Variants in HK1 observed in about 807,000 individuals in gnomAD.
HK1 encodes the protein hexokinase 1, also known as hexokinase-1.
Under a neutral mutation model 91.6 loss-of-function variants are expected in HK1, and 28 were observed. The observed-to-expected ratio is 0.31, with a 90% CI of 0.23 to 0.42. The LOEUF is 0.42. Among genes scored for constraint, HK1 ranks in the 10% least tolerant of loss-of-function variants. The pLI is 1.00. For synonymous variants in HK1, 430 were observed against 468.1 expected (o/e 0.92, Z 1.05); for missense variants, 770 against 1,219.8 (o/e 0.63, Z 5.49).
intron 1 of HK1, among the ~76,000 whole-genome samples, chr10:69,322,720 G>T (rs61058481): frequency 0.17 from 25,976 of 151,620 alleles, 3,012 homozygotes; most frequent in East Asian, 0.56. Flanking sequence ...GAGAAACCCC[G>T]TCTCTACTAA....
rs534576680 is a variant in HK1, at chr10:69,348,296, C to T, written c.226+4307C>T. Among the ~76,000 whole-genome samples, 3 of 151,766 alleles carry T rather than the reference C, an allele frequency of 2.0e-5. No homozygotes were observed. The South Asian group carries it at 6.3e-4, about 32-fold the overall frequency. On this transcript the variant is annotated intron_variant, in intron 2 of 17. Coordinates refer to ENST00000359426, the MANE Select transcript of HK1 (RefSeq NM_000188.3). Reference sequence around the variant, plus strand: ...AGTGTAGTCACGGTTGTTTTGGGGCCCTAAATATTCATACTACTGTTTTCC... The same window carrying T: ...AGTGTAGTCACGGTTGTTTTGGGGCTCTAAATATTCATACTACTGTTTTCC...
chr10:69,325,984 G>A (rs1847346937), intron 1 of HK1, among the ~76,000 whole-genome samples: 2 of 151,414 alleles, frequency 1.3e-5, no homozygotes. Context: ...ACAGGTGCCT[G>A]CCACTACACC....
At chr10:69,280,108 C>T (rs1844662010) in intron 1 of HK1, among the ~76,000 whole-genome samples, 1 of 151,338 alleles carries the variant, frequency 6.6e-6, no homozygotes, top group East Asian at 1.9e-4. Context: ...TTTAACTGGC[C>T]AATGATGAAA....
In HK1 at chr10:69,401,762, G is replaced by A. The variant is rs1302352309; in HGVS notation, c.*627G>A. 8 of 177,466 alleles carry A rather than the reference G, an allele frequency of 4.5e-5. No homozygotes were observed. The South Asian group carries it at 6.1e-4, about 14-fold the overall frequency. The allele number at this position is 177,466 out of a possible 1,614,324, so 11.0% of individuals were successfully genotyped here. A position where few individuals can be genotyped will look rare whatever the true frequency, so the allele number is the denominator to read the frequency against. On this transcript the variant is annotated 3_prime_UTR_variant, in exon 18 of 18. Coordinates refer to ENST00000359426, the MANE Select transcript of HK1 (RefSeq NM_000188.3). Reference sequence around the variant, plus strand: ...GTGGGGGGAGGTGGACAGTCCTGCGGAAATGTGTCTTGTCTCCATTTGGAT... The same window carrying A: ...GTGGGGGGAGGTGGACAGTCCTGCGAAAATGTGTCTTGTCTCCATTTGGAT...
At chr10:69,307,379 G>A (rs1164022607) in intron 5 of HK1, among the ~76,000 whole-genome samples, 1 of 152,124 alleles carries the variant, frequency 6.6e-6, no homozygotes, top group Non-Finnish European at 1.5e-5. Flanking sequence ...CCCTTATAAA[G>A]GAACTCTGCA....
At chr10:69,397,294 C>T (rs948618034) in intron 16 of HK1, among the ~76,000 whole-genome samples, 4 of 152,116 alleles carry the variant, frequency 2.6e-5, no homozygotes, top group Admixed American at 1.3e-4. Flanking sequence ...TCTAGTTTCT[C>T]CACATCCTCG....
chr10:69,316,792 C>A (rs1042189274), upstream of HK1, among the ~76,000 whole-genome samples: 2 of 152,210 alleles, frequency 1.3e-5, no homozygotes, highest in African/African-American at 4.8e-5. Flanking sequence ...AAGTGCCAGG[C>A]CCTGCGCTTG....
At position 69,338,709 on chromosome 10, in the gene HK1, GTA is replaced by G. The variant is rs1364600456; in HGVS notation, c.64-5117_64-5116del. 7 of 821,090 alleles carry G rather than the reference GTA, an allele frequency of 8.5e-6. No individual in the cohort carries two copies. In the Admixed American group the frequency reaches 1.3e-4, roughly 15 times the overall value. The allele number at this position is 821,090 out of a possible 1,614,324, so 50.9% of individuals were successfully genotyped here. A position where few individuals can be genotyped will look rare whatever the true frequency, so the allele number is the denominator to read the frequency against. On this transcript the variant is annotated intron_variant, in intron 1 of 17. Coordinates refer to ENST00000359426, the MANE Select transcript of HK1 (RefSeq NM_000188.3). ...TGTGTGTGTGTGTGTGTGTGTGTGT[GTA>G]AGTACTTGTGTGTGTATGTGTGAGT...
At chr10:69,331,919 G>C (rs1470153226) in intron 1 of HK1, among the ~76,000 whole-genome samples, 3 of 151,894 alleles carry the variant, frequency 2.0e-5, no homozygotes, top group Non-Finnish European at 4.4e-5. Context: ...ATTAGACATA[G>C]AAACAACATT....
At chr10:69,360,371 T>C (rs996099617) in intron 3 of HK1, among the ~76,000 whole-genome samples, 1 of 152,188 alleles carries the variant, frequency 6.6e-6, no homozygotes, top group Non-Finnish European at 1.5e-5. Flanking sequence ...TGGGGTCGGT[T>C]CCCCAGTGCA....
chr10:69,294,847 G>A (rs1210459790), intron 3 of HK1, among the ~76,000 whole-genome samples: 1 of 151,938 alleles, frequency 6.6e-6, no homozygotes, highest in Non-Finnish European at 1.5e-5. Flanking sequence ...GGGCAACAGA[G>A]CGAGACTCCA....
chr10:69,274,972 C>T (rs767129009), intron 1 of HK1, among the ~76,000 whole-genome samples: 2 of 152,072 alleles, frequency 1.3e-5, no homozygotes, highest in Non-Finnish European at 2.9e-5. Flanking sequence ...TGAATCTCCA[C>T]TCACTTTGGG....
intron 1 of HK1, among the ~76,000 whole-genome samples, chr10:69,281,424 C>T (rs920413444): frequency 1.3e-5 from 2 of 152,210 alleles, no homozygotes; most frequent in Non-Finnish European, 2.9e-5. Context: ...TCCTCTTCCT[C>T]CTCTTTCTCT....
At chr10:69,381,330 AG>A (rs1839375674) in intron 9 of HK1, among the ~76,000 whole-genome samples, 1 of 152,176 alleles carries the variant, frequency 6.6e-6, no homozygotes, top group Admixed American at 6.5e-5. Flanking sequence ...CTGAGGGGAT[AG>A]GGTTTGAGCC....
At chr10:69,332,350 G>C (rs922206461) in intron 1 of HK1, among the ~76,000 whole-genome samples, 1 of 133,164 alleles carries the variant, frequency 7.5e-6, no homozygotes, top group African/African-American at 2.9e-5. Flanking sequence ...AAGTTCCCTA[G>C]GCCTCATTTT....
intron 1 of HK1, among the ~76,000 whole-genome samples, chr10:69,342,652 T>C (rs1400194802): frequency 6.6e-6 from 1 of 152,142 alleles, no homozygotes; most frequent in African/African-American, 2.4e-5. Flanking sequence ...GGTTGCACTT[T>C]AAGAGGCTGA....
chr10:69,330,434 TG>T (rs1847649958), intron 1 of HK1, among the ~76,000 whole-genome samples: 1 of 152,082 alleles, frequency 6.6e-6, no homozygotes, highest in African/African-American at 2.4e-5. Context: ...GTGATCTCGG[TG>T]GCCAGAAAGC....
rs1460094018 is a variant in HK1 at position 69,401,304 on chromosome 10, G to A, written c.*169G>A. On this transcript the variant is annotated 3_prime_UTR_variant, in exon 18 of 18. Transcript: ENST00000359426. Reference sequence around the variant, plus strand: ...TATATTGTAGGGTACAGAATAGAGCGTGTGCTGTTGATAATATCTCTCACC... The same window carrying A: ...TATATTGTAGGGTACAGAATAGAGCATGTGCTGTTGATAATATCTCTCACC... 24 of 714,676 alleles carry A rather than the reference G, an allele frequency of 3.4e-5. No homozygotes were observed. The highest frequency in any genetic ancestry group is 4.9e-5 in the Non-Finnish European group (21 of 425,304). The allele number at this position is 714,676 out of a possible 1,614,324, so 44.3% of individuals were successfully genotyped here.
intron 12 of HK1, 92 bp downstream of exon 12, chr10:69,385,007 G>C (rs1474501241): frequency 2.2e-6 from 3 of 1,383,718 alleles, no homozygotes; most frequent in Non-Finnish European, 3.1e-6. Context: ...TCCAGCCTCA[G>C]TGTCATTCCT....
Sources: allele counts gnomAD v4.1 joint callset (sites outside exome capture counted in the v4.1 genomes callset), GRCh38; gene constraint gnomAD v4.1.1; transcripts MANE v1.5; gene names NCBI Gene and HGNC (gene_info 2026-07-23, HGNC 2026-07-21).